SUDS3: variants seen among roughly 807,000 people sequenced by gnomAD.
SUDS3 encodes sin3 histone deacetylase corepressor complex component SDS3.
In SUDS3, 23 loss-of-function variants were observed where a neutral mutation model predicts 53.5. The observed-to-expected ratio is 0.43, with a 90% CI of 0.31 to 0.61. The LOEUF is 0.61. Ranked by LOEUF, SUDS3 falls within the 20% of genes least tolerant of loss-of-function variation. The pLI is 0.10. For synonymous variants in SUDS3, 150 were observed against 148.5 expected, an observed-to-expected ratio of 1.01 and a Z score of -0.08; for missense variants, 291 against 405.9, an observed-to-expected ratio of 0.72 and a Z score of 2.43.
intron 6 of SUDS3, among the ~76,000 whole-genome samples, chr12:118,397,114 A>C (rs2046222935): frequency 4.6e-5 from 7 of 152,170 alleles, no homozygotes; most frequent in Admixed American, 4.6e-4. Flanking sequence ...CAAACCTATG[A>C]GGAGACCTCT....
intron 10 of SUDS3, among the ~76,000 whole-genome samples, chr12:118,405,922 G>A (rs2046304911): frequency 6.6e-6 from 1 of 152,180 alleles, no homozygotes; most frequent in South Asian, 2.1e-4. Context: ...TGGTGCAGCC[G>A]TATTTTTGGC....
At position 118,413,673 on chromosome 12, in the gene SUDS3, A is replaced by G. The variant is rs905256907; in HGVS notation, c.889-662A>G. Among the ~76,000 whole-genome samples the G allele has an allele frequency of 4.6e-5, 7 of 152,156 alleles. No individual in the cohort carries two copies. In the South Asian group the frequency reaches 1.4e-3, roughly 32 times the overall value. On this transcript the variant is annotated intron_variant, in intron 11 of 11. Coordinates refer to ENST00000543473, the MANE Select transcript of SUDS3 (RefSeq NM_022491.3). ...GTCAGCCCTGGCAGTCCCCTGTTGC[A>G]AGAGTTCATTCTCAATTCAATGGAA...
intron 6 of SUDS3, among the ~76,000 whole-genome samples, chr12:118,394,931 T>A (rs1264186449): frequency 6.6e-6 from 1 of 152,212 alleles, no homozygotes; most frequent in Non-Finnish European, 1.5e-5. Flanking sequence ...GCAATCTGCC[T>A]GCCTTGGTCT....
In SUDS3 at chr12:118,386,122, C is replaced by G; in HGVS notation, c.277C>G (p.Gln93Glu). 1 of 1,594,974 alleles carries G rather than the reference C, an allele frequency of 6.3e-7. No individual in the cohort carries two copies. Residue 93 changes from glutamine (Q) to glutamate (E), a missense_variant, in exon 4 of 12, where the codon CAG becomes GAG. Gln to Glu is a conservative substitution (Grantham distance 29, BLOSUM62 2). Coordinates refer to ENST00000543473, the MANE Select transcript of SUDS3 (RefSeq NM_022491.3). ...CAAATGTTCAAAATCAGGTACATTA[C>G]AGGAATATCAGAAGAGAATGAAAAA... ...QLQQLQEGTL[Q>E]EYQKRMKKLD... is the part of the protein sequence containing the mutation.
intron 6 of SUDS3, among the ~76,000 whole-genome samples, chr12:118,395,675 A>G (rs553762604): frequency 6.6e-6 from 1 of 151,974 alleles, no homozygotes; most frequent in African/African-American, 2.4e-5. Flanking sequence ...AAGACCTAAC[A>G]TTAATTCTTG....
chr12:118,378,457 C>T (rs1593747170), intron 1 of SUDS3, among the ~76,000 whole-genome samples: 1 of 150,394 alleles, frequency 6.6e-6, no homozygotes, highest in African/African-American at 2.4e-5. Flanking sequence ...ATAGTATTTA[C>T]ATTTTATTGG....
intron 10 of SUDS3, chr12:118,404,329 T>C (rs1364330833): frequency 6.6e-6 from 1 of 152,270 alleles, no homozygotes; most frequent in Non-Finnish European, 1.5e-5. Context: ...CAGGTTGGTC[T>C]CGAACTCCTG....
At position 118,403,462 on chromosome 12, in the gene SUDS3, G is replaced by C. The variant is rs942554767; in HGVS notation, c.748G>C (p.Ala250Pro). The change falls in exon 10 of 12, where the codon GCC (alanine) becomes CCC (proline). Residue 250 changes from alanine (A) to proline (P), a missense_variant. Transcript: ENST00000543473. Reference sequence around the variant, plus strand: ...GCCTGCAACACCCGCGGAATCTCCAGCCCAGAGGTTCGAAGCTCGGATAGA... The same window carrying C: ...GCCTGCAACACCCGCGGAATCTCCACCCCAGAGGTTCGAAGCTCGGATAGA... ...HLPATPAESP[A>P]QRFEARIEDG... 6.2e-7 allele frequency: 1 copy of C among 1,613,744 alleles called. No homozygotes were observed. Among genetic ancestry groups the C allele is most frequent in the South Asian group, 1.1e-5 (1 of 90,962 alleles).
At chr12:118,385,161 G>A (rs1272133948) in intron 3 of SUDS3, among the ~76,000 whole-genome samples, 1 of 151,898 alleles carries the variant, frequency 6.6e-6, no homozygotes, top group Non-Finnish European at 1.5e-5. Flanking sequence ...CCAGGTGGAG[G>A]GCAGTGGCGC....
intron 10 of SUDS3, among the ~76,000 whole-genome samples, chr12:118,408,040 A>G (rs2046323476): frequency 6.6e-6 from 1 of 152,064 alleles, no homozygotes; most frequent in African/African-American, 2.4e-5. Flanking sequence ...AGCTGGGACT[A>G]CAGGCACCCG....
At chr12:118,395,550 G>A (rs1236486959) in intron 6 of SUDS3, among the ~76,000 whole-genome samples, 2 of 151,940 alleles carry the variant, frequency 1.3e-5, no homozygotes, top group Non-Finnish European at 2.9e-5. Flanking sequence ...TAATGTGCTT[G>A]AGGGTGCAGA....
Position 118,416,749 on chromosome 12 carries a change from G to A in SUDS3, c.*2316G>A, listed in dbSNP as rs946313050. On this transcript the variant is annotated 3_prime_UTR_variant, in exon 12 of 12. Transcript: ENST00000543473. Reference sequence around the variant, plus strand: ...TGTTAGTAGATGGGGGTACTTCTGTGGTGGGCAGAAGCCTTACTAAAGGGG... The same window carrying A: ...TGTTAGTAGATGGGGGTACTTCTGTAGTGGGCAGAAGCCTTACTAAAGGGG... The A allele has an allele frequency of 1.3e-5, 2 of 152,200 alleles. No individual in the cohort carries two copies. The highest frequency in any genetic ancestry group is 2.9e-5 in the Non-Finnish European group (2 of 68,054). The allele number at this position is 152,200 out of a possible 1,614,324, so 9.4% of individuals were successfully genotyped here.
chr12:118,417,833 T>C lies in SUDS3; in HGVS notation c.*3400T>C, dbSNP rs2046415034. 6.6e-6 allele frequency: 1 copy of C among 152,198 alleles called. No individual in the cohort carries two copies. Among genetic ancestry groups the C allele is most frequent in the Non-Finnish European group, 1.5e-5 (1 of 68,036 alleles). The allele number at this position is 152,198 out of a possible 1,614,324, so 9.4% of individuals were successfully genotyped here. On this transcript the variant is annotated 3_prime_UTR_variant, in exon 12 of 12. Transcript: ENST00000543473. ...GGAAGTTAGGGCAGAGGAAGGGATATTCTAGACATTTAATTCTTAGTGAAG... is the reference window on the plus strand; with the variant it reads ...GGAAGTTAGGGCAGAGGAAGGGATACTCTAGACATTTAATTCTTAGTGAAG...
At chr12:118,385,488 T>G (rs532729001) in intron 3 of SUDS3, among the ~76,000 whole-genome samples, 41 of 152,318 alleles carry the variant, frequency 2.7e-4, no homozygotes, top group African/African-American at 9.9e-4. Context: ...TCAGGCATTA[T>G]AATCAGGAAA....
intron 10 of SUDS3, among the ~76,000 whole-genome samples, chr12:118,403,738 C>CT (rs1314808305): frequency 6.6e-6 from 1 of 152,220 alleles, no homozygotes; most frequent in Non-Finnish European, 1.5e-5. Flanking sequence ...CCCCTTCCTT[C>CT]TCCATTCTGG....
chr12:118,393,036 C>T (rs189609873), intron 6 of SUDS3, among the ~76,000 whole-genome samples: 4 of 152,290 alleles, frequency 2.6e-5, no homozygotes, highest in Non-Finnish European at 5.9e-5. Flanking sequence ...TAGCCATGGG[C>T]ATTAAAGGTA....
intron 6 of SUDS3, among the ~76,000 whole-genome samples, chr12:118,395,181 A>G (rs1318317253): frequency 1.5e-5 from 2 of 137,196 alleles, no homozygotes; most frequent in African/African-American, 5.5e-5. Flanking sequence ...TTTCCTCAAG[A>G]TGTTCTTTCC....
intron 7 of SUDS3, 26 bp downstream of exon 7, chr12:118,400,780 C>T (rs368527583): frequency 1.8e-4 from 283 of 1,605,506 alleles, no homozygotes; most frequent in Non-Finnish European, 2.3e-4. Flanking sequence ...AAGCCTTAAC[C>T]GCCTTTCTTT....
At chr12:118,377,674 T>C (rs576534196) in intron 1 of SUDS3, among the ~76,000 whole-genome samples, 1 of 152,188 alleles carries the variant, frequency 6.6e-6, no homozygotes, top group Non-Finnish European at 1.5e-5. Context: ...TGAGGAACGC[T>C]ATTTTGGAGG....
Sources: allele counts gnomAD v4.1 joint callset (sites outside exome capture counted in the v4.1 genomes callset), GRCh38; gene constraint gnomAD v4.1.1; transcripts MANE v1.5; gene names NCBI Gene and HGNC (gene_info 2026-07-23, HGNC 2026-07-21).